Variants in OSR2 observed in about 807,000 individuals in gnomAD.
OSR2 encodes odd-skipped related transciption factor 2, also known as protein odd-skipped-related 2.
In OSR2, 8 loss-of-function variants were observed where a neutral mutation model predicts 22.3. That is an observed-to-expected ratio of 0.36 (90% confidence interval 0.21 to 0.65). The LOEUF is 0.65. Ranked by LOEUF, OSR2 falls within the 30% of genes least tolerant of loss-of-function variation. OSR2 has a pLI of 0.66. For synonymous variants in OSR2, 179 were observed against 173.8 expected (o/e 1.03, Z -0.23); for missense variants, 311 against 413.4 (o/e 0.75, Z 2.15).
intron 1 of OSR2, among the ~76,000 whole-genome samples, chr8:98,945,427 C>G (rs2132079583): frequency 6.6e-6 from 1 of 152,268 alleles, no homozygotes; most frequent in East Asian, 1.9e-4. Flanking sequence ...TGCAGTTGTA[C>G]GAAGAAGGAG....
chr8:98,951,870 A>AGTGT lies in OSR2; in HGVS notation c.*169_*170insGTGT. On this transcript the variant is annotated 3_prime_UTR_variant, in exon 4 of 4. Transcript: ENST00000297565. ...TAACTCTTCTTCTGGGGGACTGAGA[A>AGTGT]CTGTAGAAAGCCACACACTACTACA... 1 of 638,768 alleles carries AGTGT rather than the reference A, an allele frequency of 1.6e-6. No homozygotes were observed. The highest frequency in any genetic ancestry group is 2.7e-6 in the Non-Finnish European group (1 of 374,128). The allele number at this position is 638,768 out of a possible 1,614,324, so 39.6% of individuals were successfully genotyped here.
At position 98,951,554 on chromosome 8, in the gene OSR2, C is replaced by G; in HGVS notation, c.792C>G (p.Thr264=). 1 of 1,609,202 alleles carries G rather than the reference C, an allele frequency of 6.2e-7. No homozygotes were observed. Among genetic ancestry groups the G allele is most frequent in the Non-Finnish European group, 8.5e-7 (1 of 1,177,702 alleles). Residue 264 remains threonine (T), a synonymous_variant, in exon 4 of 4, where the codon ACC becomes ACG. Transcript: ENST00000297565. ...ACAAATGTCCCACATGTGGAAGAAC[C>G]TTTAATCAGAGAAGTAATCTGAAAA... The part of the protein sequence containing the change: ...SPHKCPTCGR[T]FNQRSNLKTH...
Position 98,948,831 on chromosome 8 carries a change from A to C in OSR2, c.-114-8A>C. On this transcript the variant is annotated splice_polypyrimidine_tract_variant and splice_region_variant and intron_variant, in intron 1 of 3. Coordinates refer to ENST00000297565, the MANE Select transcript of OSR2 (RefSeq NM_001142462.3). This position sits in a 1 kb window ranked among gnomAD's most constrained non-coding sequence, Gnocchi z 6.0. ...ACGGTCTCTCCCTCTCTTCCCTGCC[A>C]TTTTTAGGGCTTTCTCTACGTGCTG... The C allele has an allele frequency of 6.3e-7, 1 of 1,577,124 alleles. No individual in the cohort carries two copies. The highest frequency in any genetic ancestry group is 8.6e-7 in the Non-Finnish European group (1 of 1,163,344).
intron 1 of OSR2, among the ~76,000 whole-genome samples, chr8:98,946,768 C>G (rs903099539): frequency 6.6e-6 from 1 of 152,150 alleles, no homozygotes; most frequent in Non-Finnish European, 1.5e-5. Context: ...CCCGCTCCCC[C>G]CTCCCCAACG....
Position 98,948,269 on chromosome 8 carries a change from GCGCGCCGGCTTCGCTCTTGCA to G in OSR2, c.-114-566_-114-546del. ...GGGCCCTCTGGCCCAGGAGGATGAA[GCGCGCCGGCTTCGCTCTTGCA>G]CGCCGGCTTGCCATCCGGGTAAGCG... is the stretch of plus-strand genomic sequence containing the variant. On this transcript the variant is annotated intron_variant, in intron 1 of 3. Coordinates refer to ENST00000297565, the MANE Select transcript of OSR2 (RefSeq NM_001142462.3). The surrounding 1 kb of genome is among the most constrained non-coding windows in gnomAD (Gnocchi z 6.0). 1 of 1,511,842 alleles carries G rather than the reference GCGCGCCGGCTTCGCTCTTGCA, an allele frequency of 6.6e-7. No homozygotes were observed. Among genetic ancestry groups the G allele is most frequent in the Non-Finnish European group, 8.8e-7 (1 of 1,132,272 alleles). 93.7% of individuals were successfully genotyped at this position (1,511,842 alleles called of 1,614,324 possible).
chr8:98,948,107 G>A lies in OSR2; in HGVS notation c.-114-732G>A, dbSNP rs1332002990. The A allele has an allele frequency of 7.4e-7, 1 of 1,352,444 alleles. No individual in the cohort carries two copies. The highest frequency in any genetic ancestry group is 1.5e-5 in the African/African-American group (1 of 66,316). 83.8% of individuals were successfully genotyped at this position (1,352,444 alleles called of 1,614,324 possible). A position where few individuals can be genotyped will look rare whatever the true frequency, so the allele number is the denominator to read the frequency against. Reference sequence around the variant, plus strand: ...GAGCCCGTGGATAGGAGGAGGGGGCGATTCTAGGCCGAATCCAGCCCCTGA... The same window carrying A: ...GAGCCCGTGGATAGGAGGAGGGGGCAATTCTAGGCCGAATCCAGCCCCTGA... On this transcript the variant is annotated intron_variant, in intron 1 of 3. Transcript: ENST00000297565. The surrounding 1 kb of genome is among the most constrained non-coding windows in gnomAD (Gnocchi z 6.0).
rs1379852434 is a variant in OSR2 at position 98,951,910 on chromosome 8, G to A, written c.*209G>A. 14 of 526,044 alleles carry A rather than the reference G, an allele frequency of 2.7e-5. No homozygotes were observed. In the South Asian group the frequency reaches 3.8e-4, roughly 14 times the overall value. The allele number at this position is 526,044 out of a possible 1,614,324, so 32.6% of individuals were successfully genotyped here. A position where few individuals can be genotyped will look rare whatever the true frequency, so the allele number is the denominator to read the frequency against. On this transcript the variant is annotated 3_prime_UTR_variant, in exon 4 of 4. Transcript: ENST00000297565. ...ACACTACTACATCCCTTCACAAAGA[G>A]TATATGCTAGTTTCTTGTAGATATT...
In OSR2 at chr8:98,949,036, C is replaced by T. The variant is rs1840701235; in HGVS notation, c.84C>T (p.Asn28=). 1 of 1,613,994 alleles carries T rather than the reference C, an allele frequency of 6.2e-7. No homozygotes were observed. Residue 28 remains asparagine (N), a synonymous_variant, in exon 2 of 4, where the codon AAC becomes AAT. Transcript: ENST00000297565. This position sits in a 1 kb window ranked among gnomAD's most constrained non-coding sequence, Gnocchi z 5.9. ...LTNYSFLQAV[N]TFPATVDHLQ... The stretch of plus-strand genomic sequence containing the variant: ...ATTACTCCTTCCTGCAGGCCGTGAA[C>T]ACCTTCCCGGCCACGGTGGACCACC...
intron 1 of OSR2, among the ~76,000 whole-genome samples, chr8:98,947,753 C>T (rs1840650700): frequency 6.6e-6 from 1 of 152,130 alleles, no homozygotes; most frequent in Admixed American, 6.5e-5. Context: ...TCCAGGCCAA[C>T]GGACAAGGTT....
intron 1 of OSR2, among the ~76,000 whole-genome samples, chr8:98,945,131 A>G (rs921804963): frequency 1.3e-5 from 2 of 152,134 alleles, no homozygotes; most frequent in Non-Finnish European, 2.9e-5. Flanking sequence ...AAACCCCACA[A>G]TCCCATGGTG....
chr8:98,948,555 G>C lies in OSR2; in HGVS notation c.-114-284G>C. The C allele has an allele frequency of 4.0e-6, 5 of 1,255,992 alleles. No individual in the cohort carries two copies. The highest frequency in any genetic ancestry group is 5.3e-6 in the Non-Finnish European group (5 of 943,102). 77.8% of individuals were successfully genotyped at this position (1,255,992 alleles called of 1,614,324 possible). On this transcript the variant is annotated intron_variant, in intron 1 of 3. Transcript: ENST00000297565. This position sits in a 1 kb window ranked among gnomAD's most constrained non-coding sequence, Gnocchi z 6.0. Reference sequence around the variant, plus strand: ...GTCCGCCTTTCGTTTTCCTGGGACCGAGGAGTCTTCCGCTCCGTATCTGCC... The same window carrying C: ...GTCCGCCTTTCGTTTTCCTGGGACCCAGGAGTCTTCCGCTCCGTATCTGCC...
chr8:98,945,803 T>C (rs779939318), intron 1 of OSR2, among the ~76,000 whole-genome samples: 14 of 152,188 alleles, frequency 9.2e-5, no homozygotes, highest in South Asian at 2.1e-4. Flanking sequence ...ATCTACTTAG[T>C]CTATAGCTCT....
At chr8:98,946,747 T>C (rs933404921) in intron 1 of OSR2, among the ~76,000 whole-genome samples, 2 of 151,892 alleles carry the variant, frequency 1.3e-5, no homozygotes, top group Non-Finnish European at 2.9e-5. Flanking sequence ...CCAACACCAC[T>C]CCCCCACATG....
At chr8:98,951,104 G>T in intron 3 of OSR2, 1 of 499,386 alleles carries the variant, frequency 2.0e-6, no homozygotes, top group Non-Finnish European at 3.5e-6. Flanking sequence ...CTTTCCCAAG[G>T]GCCTCATAAT....
At position 98,946,635 on chromosome 8, in the gene OSR2, A is replaced by C. The variant is rs192610119; in HGVS notation, c.-115+1812A>C. 6.5e-3 allele frequency among the ~76,000 whole-genome samples: 988 copies of C among 152,270 alleles called. 9 individuals carry two copies. The highest frequency in any genetic ancestry group is 0.022 in the African/African-American group (925 of 41,540). On this transcript the variant is annotated intron_variant, in intron 1 of 3. Coordinates refer to ENST00000297565, the MANE Select transcript of OSR2 (RefSeq NM_001142462.3). ...TTCTGTATTATAAACCATTCAGAGA[A>C]AAGGGAAAGAAGATGGCACTCAACT...
rs1840544100 is a variant in OSR2, at chr8:98,944,509, A to C, written c.-429A>C. ...TGCTGCTGGAGGGTGATGGCCCTGCAAGGCTGTGGGCTCCGACCTCACCGG... is the reference window on the plus strand; with the variant it reads ...TGCTGCTGGAGGGTGATGGCCCTGCCAGGCTGTGGGCTCCGACCTCACCGG... On this transcript the variant is annotated 5_prime_UTR_variant, in exon 1 of 4. Transcript: ENST00000297565. 6.6e-6 allele frequency: 1 copy of C among 152,268 alleles called. No individual in the cohort carries two copies. The highest frequency in any genetic ancestry group is 6.5e-5 in the Admixed American group (1 of 15,282). 9.4% of individuals were successfully genotyped at this position (152,268 alleles called of 1,614,324 possible). A position where few individuals can be genotyped will look rare whatever the true frequency, so the allele number is the denominator to read the frequency against.
At chr8:98,950,206 T>C (rs1405514076) in intron 2 of OSR2, among the ~76,000 whole-genome samples, 1 of 152,238 alleles carries the variant, frequency 6.6e-6, no homozygotes, top group East Asian at 1.9e-4. Context: ...TCTCAGGAGT[T>C]GGGGAGACCT....
intron 1 of OSR2, among the ~76,000 whole-genome samples, chr8:98,947,471 C>T (rs1407139640): frequency 2.6e-5 from 4 of 152,086 alleles, no homozygotes; most frequent in Non-Finnish European, 4.4e-5. Flanking sequence ...CCAGGCTTGG[C>T]GGTTGGTGGC....
intron 3 of OSR2, 53 bp downstream of exon 3, chr8:98,950,808 G>A: frequency 1.7e-6 from 2 of 1,206,536 alleles, no homozygotes; most frequent in Non-Finnish European, 2.4e-6. Context: ...TATCATTACT[G>A]CTTTGCAAAA....
Sources: allele counts gnomAD v4.1 joint callset (sites outside exome capture counted in the v4.1 genomes callset), GRCh38; gene constraint gnomAD v4.1.1; non-coding constraint Gnocchi (gnomAD v3.1); transcripts MANE v1.5; gene names NCBI Gene and HGNC (gene_info 2026-07-23, HGNC 2026-07-21).